Variants in MITF observed in about 807,000 individuals in gnomAD.
MITF encodes microphthalmia-associated transcription factor.
Under a neutral mutation model 60.5 loss-of-function variants are expected in MITF, and 17 were observed. The observed-to-expected ratio is 0.28, with a 90% confidence interval of 0.19 to 0.42. The LOEUF (loss-of-function observed/expected upper bound fraction) is 0.42, where lower values mean the gene tolerates loss of function less well. Among genes scored for constraint, MITF ranks in the 10% least tolerant of loss-of-function variants. The probability of loss-of-function intolerance (pLI) is 1.00; values close to 1 mark genes in which losing one functional copy is unlikely to be tolerated. For synonymous variants in MITF, 260 were observed against 248.5 expected (o/e 1.05, Z -0.43); for missense variants, 622 against 683.5 (o/e 0.91, Z 1.00).
chr3:69,903,842 A>G (rs567840662), intron 2 of MITF, among the ~76,000 whole-genome samples: 1 of 152,082 alleles, frequency 6.6e-6, no homozygotes, highest in South Asian at 2.1e-4. Context: ...CTGGGTTCTG[A>G]CTCTGCTGCT....
intron 5 of MITF, among the ~76,000 whole-genome samples, chr3:69,942,070 T>A (rs2065981521): frequency 1.3e-5 from 2 of 152,080 alleles, no homozygotes. Context: ...GCTTGGTAGG[T>A]CTTTGAATGC....
intron 2 of MITF, among the ~76,000 whole-genome samples, chr3:69,884,872 C>T (rs553302253): frequency 6.6e-6 from 1 of 151,980 alleles, no homozygotes; most frequent in Non-Finnish European, 1.5e-5. Flanking sequence ...AAGAGCAGAC[C>T]GATGAGACCA....
chr3:69,935,661 C>T (rs892536431), intron 2 of MITF, among the ~76,000 whole-genome samples: 6 of 152,168 alleles, frequency 3.9e-5, no homozygotes, highest in African/African-American at 1.4e-4. Context: ...CTTAACATAA[C>T]ATTTGTCAGC....
At chr3:69,748,555 C>T (rs1703815933) in intron 1 of MITF, among the ~76,000 whole-genome samples, 1 of 152,134 alleles carries the variant, frequency 6.6e-6, no homozygotes, top group African/African-American at 2.4e-5. Flanking sequence ...TGATAACTTT[C>T]ACAACGAAAA....
intron 1 of MITF, among the ~76,000 whole-genome samples, chr3:69,767,451 G>A (rs1485369938): frequency 6.6e-6 from 1 of 152,012 alleles, no homozygotes; most frequent in East Asian, 1.9e-4. Flanking sequence ...TAGGTGTGGT[G>A]GTGTGCACCT....
intron 1 of MITF, among the ~76,000 whole-genome samples, chr3:69,870,440 A>ATTT (rs1356293333): frequency 1.5e-5 from 2 of 135,262 alleles, no homozygotes; most frequent in African/African-American, 5.5e-5. Flanking sequence ...ATATATATAT[A>ATTT]TTTTTTTTTT....
At chr3:69,872,383 G>A (rs543075543) in intron 1 of MITF, among the ~76,000 whole-genome samples, 70 of 151,514 alleles carry the variant, frequency 4.6e-4, no homozygotes, top group African/African-American at 1.5e-3. Flanking sequence ...AGCATTGTTC[G>A]TATGTTACAG....
intron 7 of MITF, among the ~76,000 whole-genome samples, chr3:69,952,114 T>C (rs1471406882): frequency 6.6e-6 from 1 of 152,230 alleles, no homozygotes; most frequent in Non-Finnish European, 1.5e-5. Flanking sequence ...CTGAAGAGTT[T>C]TTATTTTTCT....
chr3:69,932,108 TCTG>T (rs2065737387), intron 2 of MITF, among the ~76,000 whole-genome samples: 1 of 152,202 alleles, frequency 6.6e-6, no homozygotes, highest in Non-Finnish European at 1.5e-5. Context: ...TGCTAAAACT[TCTG>T]TTGAGTAGGA....
At chr3:69,812,680 C>T (rs558710872) in intron 1 of MITF, among the ~76,000 whole-genome samples, 23 of 152,204 alleles carry the variant, frequency 1.5e-4, no homozygotes, top group African/African-American at 4.8e-4. Context: ...GCTCACAATG[C>T]GGGTGACATA....
chr3:69,931,358 T>G (rs2065718595), intron 2 of MITF, among the ~76,000 whole-genome samples: 1 of 152,162 alleles, frequency 6.6e-6, no homozygotes, highest in Admixed American at 6.5e-5. Context: ...TATTTTAGCC[T>G]GAGGGAGAAA....
intron 2 of MITF, among the ~76,000 whole-genome samples, chr3:69,916,783 A>G (rs1364144752): frequency 3.3e-5 from 5 of 152,220 alleles, no homozygotes; most frequent in East Asian, 3.8e-4. Flanking sequence ...ACGATTACAT[A>G]TATCAGAATA....
chr3:69,867,489 A>AT (rs914420949), intron 1 of MITF, among the ~76,000 whole-genome samples: 3 of 152,060 alleles, frequency 2.0e-5, no homozygotes, highest in Admixed American at 6.5e-5. Flanking sequence ...GATACTTTAG[A>AT]TTTTTTTCAT....
intron 1 of MITF, among the ~76,000 whole-genome samples, chr3:69,854,861 T>C (rs139766076): frequency 5.4e-4 from 82 of 152,334 alleles, no homozygotes; most frequent in African/African-American, 1.9e-3. Flanking sequence ...TTGTCCCTTG[T>C]TGAGGATTAC....
At chr3:69,815,095 A>C (rs1388390532) in intron 1 of MITF, among the ~76,000 whole-genome samples, 1 of 152,194 alleles carries the variant, frequency 6.6e-6, no homozygotes. Context: ...AGGCATACAA[A>C]AACAAATGTT....
At chr3:69,808,152 A>C (rs7647742) in intron 1 of MITF, among the ~76,000 whole-genome samples, 22,934 of 148,370 alleles carry the variant, frequency 0.15, 2,067 homozygotes, top group South Asian at 0.21. Flanking sequence ...TATATATATA[A>C]AATTAGAGTG....
chr3:69,935,520 A>AT (rs1311737868), intron 2 of MITF, among the ~76,000 whole-genome samples: 4 of 151,710 alleles, frequency 2.6e-5, no homozygotes, highest in Admixed American at 2.6e-4. Flanking sequence ...TGGACCCTTT[A>AT]TAAAAAAAAA....
chr3:69,923,202 A>T (rs1016128189), intron 2 of MITF, among the ~76,000 whole-genome samples: 1 of 152,336 alleles, frequency 6.6e-6, no homozygotes, highest in African/African-American at 2.4e-5. Context: ...TCATAAAGTG[A>T]TTAGGAGTAA....
chr3:69,900,318 A>T (rs2064968534), intron 2 of MITF, among the ~76,000 whole-genome samples: 1 of 152,310 alleles, frequency 6.6e-6, no homozygotes, highest in South Asian at 2.1e-4. Context: ...GAATTAAAAA[A>T]TCGTGATATT....
Sources: allele counts gnomAD v4.1 joint callset (sites outside exome capture counted in the v4.1 genomes callset), GRCh38; gene constraint gnomAD v4.1.1; transcripts MANE v1.5; gene names NCBI Gene and HGNC (gene_info 2026-07-23, HGNC 2026-07-21).